Variants in NAALADL2 observed in about 807,000 individuals in gnomAD.
The protein encoded by NAALADL2 is inactive N-acetylated-alpha-linked acidic dipeptidase-like protein 2.
In NAALADL2, 76 loss-of-function variants were observed where a neutral mutation model predicts 87.2. That is an observed-to-expected ratio of 0.87 (90% CI 0.72 to 1.05). The LOEUF (loss-of-function observed/expected upper bound fraction) is 1.05. NAALADL2 is among the 50% of genes least tolerant of loss of function. The pLI, the probability that NAALADL2 is intolerant of heterozygous loss-of-function variation, is 0.00. For synonymous variants in NAALADL2, 354 were observed against 331.0 expected (o/e 1.07, Z -0.75); for missense variants, 1,089 against 945.8 (o/e 1.15, Z -1.99).
intron 1 of NAALADL2, among the ~76,000 whole-genome samples, chr3:175,079,703 C>A (rs932242618): frequency 1.3e-5 from 2 of 152,070 alleles, no homozygotes; most frequent in African/African-American, 4.8e-5. Context: ...ATGTGCATAT[C>A]TTCTGGATCA....
intron 11 of NAALADL2, among the ~76,000 whole-genome samples, chr3:175,653,423 G>T (rs1731051187): frequency 6.6e-6 from 1 of 152,140 alleles, no homozygotes; most frequent in Non-Finnish European, 1.5e-5. Flanking sequence ...TTCTGGAACT[G>T]CTTCTTCTAT....
In NAALADL2 at chr3:175,030,980, T is replaced by G. The variant is rs138651564; in HGVS notation, c.44-65810T>G. ...ACCCTGCAAGCCATATCAGTATTCT[T>G]CAAAAGTGTGATATTAATGACTTCT... On this transcript the variant is annotated intron_variant, in intron 1 of 13. Coordinates refer to ENST00000454872, the MANE Select transcript of NAALADL2 (RefSeq NM_207015.3). Among the ~76,000 whole-genome samples, 498 of 152,162 alleles carry G rather than the reference T, an allele frequency of 3.3e-3. 3 individuals carry two copies. The highest frequency in any genetic ancestry group is 0.01 in the African/African-American group (428 of 41,570).
At chr3:175,396,686 C>T (rs955523618) in intron 5 of NAALADL2, among the ~76,000 whole-genome samples, 2 of 152,036 alleles carry the variant, frequency 1.3e-5, no homozygotes, top group Non-Finnish European at 2.9e-5. Context: ...CATAAACCCA[C>T]GTGTTGTGGG....
At chr3:175,678,006 G>A (rs1735055508) in intron 11 of NAALADL2, among the ~76,000 whole-genome samples, 1 of 152,132 alleles carries the variant, frequency 6.6e-6, no homozygotes, top group African/African-American at 2.4e-5. Flanking sequence ...AATTTTATGG[G>A]AAATTTGGAA....
intron 10 of NAALADL2, among the ~76,000 whole-genome samples, chr3:175,589,192 G>A (rs1245994256): frequency 6.6e-6 from 1 of 152,142 alleles, no homozygotes; most frequent in East Asian, 1.9e-4. Flanking sequence ...TCTACTGGTA[G>A]CCATAGTACT....
In NAALADL2 at chr3:175,644,461, G is replaced by A. The variant is rs1159501463; in HGVS notation, c.1896+17075G>A. On this transcript the variant is annotated intron_variant, in intron 11 of 13. Transcript: ENST00000454872. The stretch of plus-strand genomic sequence containing the variant: ...GATAATTGTGATGATTTAGTTAGGG[G>A]CACAATTTGCATTTTTCAATCTAAT... 2.0e-5 allele frequency among the ~76,000 whole-genome samples: 3 copies of A among 151,836 alleles called. No individual in the cohort carries two copies. In the East Asian group the frequency reaches 5.8e-4, roughly 29 times the overall value.
chr3:174,878,996 T>C (rs1728860677), intron 1 of NAALADL2, among the ~76,000 whole-genome samples: 3 of 152,100 alleles, frequency 2.0e-5, no homozygotes, highest in Admixed American at 2.0e-4. Flanking sequence ...CATATTTAGC[T>C]AACGTTATTT....
chr3:175,422,629 A>T (rs1464995086), intron 5 of NAALADL2, among the ~76,000 whole-genome samples: 1 of 151,810 alleles, frequency 6.6e-6, no homozygotes, highest in African/African-American at 2.4e-5. Context: ...CCAGAACGTG[A>T]TGTGCATCAC....
intron 2 of NAALADL2, among the ~76,000 whole-genome samples, chr3:175,215,995 G>T (rs1385798325): frequency 1.3e-5 from 2 of 152,114 alleles, no homozygotes; most frequent in Non-Finnish European, 2.9e-5. Flanking sequence ...ATGATGACAT[G>T]TCAGTAGATC....
chr3:174,619,240 G>C (rs1720769412), intron 2 of NAALADL2, among the ~76,000 whole-genome samples: 1 of 151,934 alleles, frequency 6.6e-6, no homozygotes, highest in African/African-American at 2.4e-5. Context: ...TAAATGGTCT[G>C]AGCAGGGTTT....
At chr3:174,768,211 A>G (rs748610889) in intron 3 of NAALADL2, among the ~76,000 whole-genome samples, 125 of 152,106 alleles carry the variant, frequency 8.2e-4, no homozygotes, top group Non-Finnish European at 1.6e-3. Flanking sequence ...TGTTTTGGAG[A>G]GGAAGTGTTT....
At chr3:175,529,891 C>T (rs1018145952) in intron 9 of NAALADL2, among the ~76,000 whole-genome samples, 3 of 152,266 alleles carry the variant, frequency 2.0e-5, no homozygotes, top group African/African-American at 4.8e-5. Flanking sequence ...GAGGACAAAC[C>T]TCTGCCCTTT....
chr3:175,152,687 C>A (rs946215341), intron 2 of NAALADL2, among the ~76,000 whole-genome samples: 11 of 152,186 alleles, frequency 7.2e-5, no homozygotes, highest in African/African-American at 2.6e-4. Flanking sequence ...AGGTGAGTCA[C>A]CTGAGGTCAG....
At chr3:174,918,920 G>T (rs551981879) in intron 1 of NAALADL2, among the ~76,000 whole-genome samples, 3 of 150,842 alleles carry the variant, frequency 2.0e-5, no homozygotes, top group African/African-American at 4.9e-5. Flanking sequence ...GTTCAGATCG[G>T]GACCACTAGA....
intron 9 of NAALADL2, among the ~76,000 whole-genome samples, chr3:175,551,293 T>C (rs1390464262): frequency 2.0e-5 from 3 of 152,168 alleles, no homozygotes; most frequent in South Asian, 2.1e-4. Flanking sequence ...TGCAGCAAGA[T>C]AGGCTTTCAG....
chr3:175,243,680 C>G (rs1470879898), intron 3 of NAALADL2, among the ~76,000 whole-genome samples: 1 of 151,836 alleles, frequency 6.6e-6, no homozygotes, highest in Non-Finnish European at 1.5e-5. Context: ...AAGAACACTG[C>G]TCTGTAGTGT....
At chr3:175,191,022 T>C (rs1738114573) in intron 2 of NAALADL2, among the ~76,000 whole-genome samples, 1 of 150,390 alleles carries the variant, frequency 6.6e-6, no homozygotes, top group Non-Finnish European at 1.5e-5. Context: ...AACCAATACG[T>C]AGAATGAACG....
intron 5 of NAALADL2, among the ~76,000 whole-genome samples, chr3:175,414,360 G>A (rs867622521): frequency 1.2e-4 from 18 of 152,112 alleles, no homozygotes; most frequent in Admixed American, 2.6e-4. Flanking sequence ...TACCTTATGT[G>A]TGTTTAATTC....
intron 10 of NAALADL2, among the ~76,000 whole-genome samples, chr3:175,624,406 T>C (rs1412366170): frequency 6.6e-6 from 1 of 152,084 alleles, no homozygotes; most frequent in East Asian, 1.9e-4. Context: ...CTGCATGGAA[T>C]ATTTAATATT....
Sources: gnomAD v4.1 joint callset for allele counts (sites outside exome capture counted in the v4.1 genomes callset) on GRCh38, gnomAD v4.1.1 for gene constraint, MANE v1.5 for transcripts, NCBI Gene and HGNC (gene_info 2026-07-23, HGNC 2026-07-21) for gene names.